FAM227B: variants seen among roughly 807,000 people sequenced by gnomAD.
The protein encoded by FAM227B is protein FAM227B.
In FAM227B, 88 loss-of-function variants were observed where a neutral mutation model predicts 73.8. That is an observed-to-expected ratio of 1.19 (90% CI 1.00 to 1.42). The LOEUF is 1.42. Ranked by LOEUF, FAM227B falls within the 40% of genes most tolerant of loss-of-function variation. FAM227B has a pLI of 0.00. For synonymous variants in FAM227B, 210 were observed against 190.5 expected, an observed-to-expected ratio of 1.10 and a Z score of -0.84; for missense variants, 632 against 590.9, an observed-to-expected ratio of 1.07 and a Z score of -0.72.
At chr15:49,328,954 A>G in intron 15 of FAM227B, 2 of 1,096,348 alleles carry the variant, frequency 1.8e-6, no homozygotes, top group Non-Finnish European at 1.1e-6. Context: ...TCACATTGAA[A>G]TAAAGAATTA....
At chr15:49,616,629 A>C (rs550924822) in intron 1 of FAM227B, among the ~76,000 whole-genome samples, 2 of 152,244 alleles carry the variant, frequency 1.3e-5, no homozygotes, top group Non-Finnish European at 2.9e-5. Context: ...TGGCCTTTAA[A>C]ACTGTGAGAA....
chr15:49,430,557 A>G (rs914387557), intron 11 of FAM227B, among the ~76,000 whole-genome samples: 1 of 151,992 alleles, frequency 6.6e-6, no homozygotes, highest in Middle Eastern at 3.4e-3. Context: ...TTTATAAAGA[A>G]AAGAAATTTA....
chr15:49,525,531 C>T (rs951983464), intron 10 of FAM227B, among the ~76,000 whole-genome samples: 2 of 151,424 alleles, frequency 1.3e-5, no homozygotes, highest in African/African-American at 2.4e-5. Flanking sequence ...GCTGCAAAAT[C>T]GAGCTTCCTA....
At chr15:49,345,529 A>C (rs2041351366) in intron 13 of FAM227B, among the ~76,000 whole-genome samples, 1 of 152,258 alleles carries the variant, frequency 6.6e-6, no homozygotes, top group Non-Finnish European at 1.5e-5. Flanking sequence ...AAAACAGAAT[A>C]CTTAGACCAT....
At chr15:49,527,114 G>T (rs74014308) in intron 10 of FAM227B, among the ~76,000 whole-genome samples, 2,999 of 151,896 alleles carry the variant, frequency 0.02, 122 homozygotes, top group African/African-American at 0.069. Flanking sequence ...TATTTCTGAT[G>T]AACACGGATG....
chr15:49,511,043 T>C (rs1304883571), intron 10 of FAM227B, among the ~76,000 whole-genome samples: 1 of 151,684 alleles, frequency 6.6e-6, no homozygotes, highest in Non-Finnish European at 1.5e-5. Context: ...TTTTTATCCA[T>C]TGTCCTAAGC....
intron 11 of FAM227B, among the ~76,000 whole-genome samples, chr15:49,449,373 G>A (rs1002538043): frequency 6.6e-6 from 1 of 151,936 alleles, no homozygotes; most frequent in African/African-American, 2.4e-5. Context: ...AGTATATAAA[G>A]ACAGTTATAT....
intron 10 of FAM227B, among the ~76,000 whole-genome samples, chr15:49,512,853 T>C (rs1414424224): frequency 6.6e-6 from 1 of 152,206 alleles, no homozygotes; most frequent in Non-Finnish European, 1.5e-5. Flanking sequence ...CATGAGTTGC[T>C]TGGTTTTCTA....
intron 11 of FAM227B, among the ~76,000 whole-genome samples, chr15:49,503,868 C>A (rs28798135): frequency 6.6e-6 from 1 of 152,130 alleles, no homozygotes; most frequent in African/African-American, 2.4e-5. Context: ...GTCAGTGTGG[C>A]GATTCCTCAG....
At chr15:49,457,137 G>C (rs1310261097) in intron 11 of FAM227B, among the ~76,000 whole-genome samples, 1 of 152,004 alleles carries the variant, frequency 6.6e-6, no homozygotes, top group Non-Finnish European at 1.5e-5. Context: ...TTCATGAACA[G>C]TAGAGAACTA....
At chr15:49,537,588 T>C (rs1455510257) in intron 10 of FAM227B, among the ~76,000 whole-genome samples, 1 of 152,110 alleles carries the variant, frequency 6.6e-6, no homozygotes, top group Non-Finnish European at 1.5e-5. Flanking sequence ...GGAAATGAAA[T>C]CACCATATCA....
chr15:49,415,500 T>C (rs1401849302), intron 11 of FAM227B, among the ~76,000 whole-genome samples: 1 of 152,122 alleles, frequency 6.6e-6, no homozygotes, highest in Non-Finnish European at 1.5e-5. Flanking sequence ...TATGCTTTCA[T>C]TATATAGAAA....
intron 11 of FAM227B, among the ~76,000 whole-genome samples, chr15:49,494,022 A>T (rs565337690): frequency 1.3e-5 from 2 of 152,006 alleles, no homozygotes; most frequent in East Asian, 3.9e-4. Context: ...TGAGGATCAG[A>T]TTTGGAACAA....
chr15:49,432,849 C>A (rs541381225), intron 11 of FAM227B, among the ~76,000 whole-genome samples: 1 of 151,446 alleles, frequency 6.6e-6, no homozygotes, highest in African/African-American at 2.4e-5. Flanking sequence ...ATAGGACCAC[C>A]CTCCTGTAAC....
chr15:49,530,975 C>T (rs1467697057), intron 10 of FAM227B, among the ~76,000 whole-genome samples: 1 of 151,666 alleles, frequency 6.6e-6, no homozygotes, highest in Non-Finnish European at 1.5e-5. Context: ...GTTTTCAAGT[C>T]ATTAGATTCC....
chr15:49,551,762 T>G (rs1338809601), intron 9 of FAM227B, among the ~76,000 whole-genome samples: 3 of 152,226 alleles, frequency 2.0e-5, no homozygotes, highest in Non-Finnish European at 2.9e-5. Flanking sequence ...ATCTACTGTA[T>G]GTTTTTTGGT....
In FAM227B at chr15:49,574,693, C is replaced by G. The variant is rs549550759; in HGVS notation, c.645+318G>C. ...TATCTGTTCAATCCTAATCAGAATT[C>G]TCACCTTTCTAATTCTGGATCTTCT... is the stretch of plus-strand genomic sequence containing the variant. On this transcript the variant is annotated intron_variant, in intron 8 of 15. Transcript: ENST00000299338. 3.0e-5 allele frequency: 5 copies of G among 165,828 alleles called. No homozygotes were observed. The South Asian group carries it at 8.8e-4, about 29-fold the overall frequency. The allele number at this position is 165,828 out of a possible 1,614,324, so 10.3% of individuals were successfully genotyped here.
chr15:49,547,336 T>C (rs36178296), intron 9 of FAM227B, among the ~76,000 whole-genome samples: 37,751 of 149,332 alleles, frequency 0.25, 5,702 homozygotes, highest in Non-Finnish European at 0.35. Flanking sequence ...TGCCAAATTG[T>C]AAAGACCATC....
intron 13 of FAM227B, among the ~76,000 whole-genome samples, chr15:49,347,488 T>G (rs904674359): frequency 1.3e-5 from 2 of 152,208 alleles, no homozygotes; most frequent in Non-Finnish European, 2.9e-5. Context: ...ATTAGATTGC[T>G]TAGCACCCTC....
Sources: gnomAD v4.1 joint callset for allele counts (sites outside exome capture counted in the v4.1 genomes callset) on GRCh38, gnomAD v4.1.1 for gene constraint, MANE v1.5 for transcripts, NCBI Gene and HGNC (gene_info 2026-07-23, HGNC 2026-07-21) for gene names.